Variants in GADL1 observed in about 807,000 individuals in gnomAD.
GADL1 encodes GAD like acidic amino acid decarboxylase 1.
GADL1 carries 71 observed loss-of-function variants against 69.5 expected under a neutral mutation model. The observed-to-expected ratio is 1.02, with a 90% confidence interval of 0.84 to 1.25. The LOEUF is 1.25. Among genes scored for constraint, GADL1 ranks in the 50% most tolerant of loss-of-function variants. GADL1 has a pLI of 0.00. For synonymous variants in GADL1, 254 were observed against 214.4 expected (o/e 1.18, Z -1.62); for missense variants, 737 against 631.8 (o/e 1.17, Z -1.79).
At chr3:30,870,557 C>T (rs912972637) in intron 1 of GADL1, among the ~76,000 whole-genome samples, 3 of 151,602 alleles carry the variant, frequency 2.0e-5, no homozygotes, top group Non-Finnish European at 4.4e-5. Flanking sequence ...AGAGGAGTAA[C>T]ATGAACTGGC....
intron 1 of GADL1, among the ~76,000 whole-genome samples, chr3:30,875,067 T>A (rs1467465086): frequency 6.6e-6 from 1 of 151,850 alleles, no homozygotes; most frequent in East Asian, 2.0e-4. Flanking sequence ...AGACTTGTCT[T>A]CCTCATAAAG....
chr3:30,742,181 A>G (rs1695636065), intron 14 of GADL1, among the ~76,000 whole-genome samples: 1 of 152,172 alleles, frequency 6.6e-6, no homozygotes, highest in South Asian at 2.1e-4. Flanking sequence ...CTCTGTCAGA[A>G]TTCCTGACAC....
At chr3:30,890,614 C>G (rs911018829) in intron 1 of GADL1, among the ~76,000 whole-genome samples, 1 of 152,156 alleles carries the variant, frequency 6.6e-6, no homozygotes, top group Non-Finnish European at 1.5e-5. Context: ...ACTACTCATT[C>G]TTTCCTAAAA....
chr3:30,733,059 C>G (rs959236563), intron 14 of GADL1, among the ~76,000 whole-genome samples: 2 of 151,990 alleles, frequency 1.3e-5, no homozygotes, highest in African/African-American at 4.8e-5. Flanking sequence ...TAATAAAATA[C>G]AAAGTGTTTT....
At chr3:30,735,545 T>C (rs928726605) in intron 14 of GADL1, among the ~76,000 whole-genome samples, 1 of 152,196 alleles carries the variant, frequency 6.6e-6, no homozygotes, top group African/African-American at 2.4e-5. Flanking sequence ...AAAGGCTGCC[T>C]TCTATATGTT....
At position 30,778,283 on chromosome 3, in the gene GADL1, AAAT is replaced by A; in HGVS notation, c.1303-18_1303-16del. ...GCATATTCAGGCTGAGAATTAGAAA[AAAT>A]ATAAAGTTGTTATCTTAAGATTTAT... On this transcript the variant is annotated splice_polypyrimidine_tract_variant and intron_variant, in intron 13 of 14. Transcript: ENST00000282538. The A allele has an allele frequency of 6.7e-7, 1 of 1,503,410 alleles. No homozygotes were observed. The highest frequency in any genetic ancestry group is 9.2e-7 in the Non-Finnish European group (1 of 1,083,454). 93.1% of individuals were successfully genotyped at this position (1,503,410 alleles called of 1,614,324 possible).
intron 1 of GADL1, among the ~76,000 whole-genome samples, chr3:30,883,956 G>C (rs1459666011): frequency 2.0e-5 from 3 of 151,986 alleles, no homozygotes; most frequent in Admixed American, 1.3e-4. Flanking sequence ...TTAGCAGTGA[G>C]AGAGCTGTGG....
chr3:30,834,095 T>A (rs1405883408), intron 10 of GADL1, 122 bp downstream of exon 10: 12 of 1,002,792 alleles, frequency 1.2e-5, no homozygotes, highest in Non-Finnish European at 1.8e-5. Flanking sequence ...GAGGGATTTT[T>A]TGTTGTTGTT....
chr3:30,779,585 T>A (rs930191181), intron 13 of GADL1, among the ~76,000 whole-genome samples: 1 of 152,216 alleles, frequency 6.6e-6, no homozygotes, highest in African/African-American at 2.4e-5. Context: ...AAAACCACAA[T>A]GACTTTTGCA....
Position 30,783,146 on chromosome 3 carries a change from G to A in GADL1, c.1302+3209C>T, listed in dbSNP as rs115080534. Reference sequence around the variant, plus strand: ...GCATTGTGCAGGAAGTTGACTATATGTCCTCGAAGATCTTCTATAACTCAG... The same window carrying A: ...GCATTGTGCAGGAAGTTGACTATATATCCTCGAAGATCTTCTATAACTCAG... On this transcript the variant is annotated intron_variant, in intron 13 of 14. Coordinates refer to ENST00000282538, the MANE Select transcript of GADL1 (RefSeq NM_207359.3). Among the ~76,000 whole-genome samples, 267 of 152,282 alleles carry A rather than the reference G, an allele frequency of 1.8e-3. 2 individuals are homozygous for A. The highest frequency in any genetic ancestry group is 3.4e-3 in the Middle Eastern group (1 of 294).
chr3:30,756,398 T>A (rs1327045041), intron 14 of GADL1, among the ~76,000 whole-genome samples: 1 of 152,140 alleles, frequency 6.6e-6, no homozygotes, highest in Non-Finnish European at 1.5e-5. Flanking sequence ...CTATAATGTA[T>A]AAAGTTATAA....
intron 14 of GADL1, among the ~76,000 whole-genome samples, chr3:30,754,280 A>ACATG (rs1695909839): frequency 6.6e-6 from 1 of 152,212 alleles, no homozygotes; most frequent in South Asian, 2.1e-4. Context: ...AAGGAGAACC[A>ACATG]CATGCAAGCC....
intron 8 of GADL1, among the ~76,000 whole-genome samples, chr3:30,842,369 A>ATGAGG: frequency 6.6e-6 from 1 of 152,284 alleles, no homozygotes; most frequent in East Asian, 1.9e-4. Flanking sequence ...TAGTGGTGGT[A>ATGAGG]TGAGGGTATG....
intron 14 of GADL1, among the ~76,000 whole-genome samples, 162 bp downstream of exon 14, chr3:30,778,017 A>C (rs1159576483): frequency 6.6e-6 from 1 of 152,196 alleles, no homozygotes; most frequent in Non-Finnish European, 1.5e-5. Flanking sequence ...AAATGTAAAC[A>C]ATGTCTACAA....
At chr3:30,820,961 G>C (rs918294894) in intron 11 of GADL1, among the ~76,000 whole-genome samples, 2 of 151,948 alleles carry the variant, frequency 1.3e-5, no homozygotes, top group African/African-American at 4.8e-5. Flanking sequence ...AGAAAATGTG[G>C]CACATATACA....
In GADL1 at chr3:30,857,075, C is replaced by T. The variant is rs184032563; in HGVS notation, c.277G>A (p.Glu93Lys). Residue 93 changes from glutamate to lysine, a missense_variant, in exon 3 of 15, where the codon GAG becomes AAG. By Grantham distance (56) the Glu-to-Lys change is moderately conservative (BLOSUM62 1). Transcript: ENST00000282538. The stretch of plus-strand genomic sequence containing the variant: ...AGTTCCAATAGTTTATGGGGTGGCT[C>T]GCCTGAGTCTCTCATCTCCAAATCA... ...LLDLEMRDSG[E>K]PPHKLLELCR... is the part of the protein sequence containing the mutation. The T allele has an allele frequency of 7.9e-5, 123 of 1,549,694 alleles. No individual in the cohort carries two copies. Among genetic ancestry groups the T allele is most frequent in the Non-Finnish European group, 9.6e-5 (110 of 1,145,476 alleles).
chr3:30,746,438 G>T (rs998413981), intron 14 of GADL1, among the ~76,000 whole-genome samples: 3 of 152,098 alleles, frequency 2.0e-5, no homozygotes, highest in Non-Finnish European at 4.4e-5. Context: ...CCAAGTATAA[G>T]ACCCTCCTTA....
At chr3:30,835,302 T>C (rs910598951) in intron 9 of GADL1, among the ~76,000 whole-genome samples, 2 of 152,070 alleles carry the variant, frequency 1.3e-5, no homozygotes, top group Non-Finnish European at 2.9e-5. Flanking sequence ...AGGCAATAGG[T>C]AAGTTCAGGG....
Position 30,861,604 on chromosome 3 carries a change from C to A in GADL1, c.199G>T (p.Val67Phe), listed in dbSNP as rs1289479426. 1.3e-6 allele frequency: 2 copies of A among 1,546,958 alleles called. No homozygotes were observed. The highest frequency in any genetic ancestry group is 8.7e-7 in the Non-Finnish European group (1 of 1,144,822). The change falls in exon 2 of 15, where the codon GTC (valine) becomes TTC (phenylalanine). Residue 67 changes from valine to phenylalanine, a missense_variant. Transcript: ENST00000282538. ...GTTTTAATTTTTACCTTCTCATTGA[C>A]ATCTGTAGCTTTCAAAACCACCTCT... ...MEEVVLKATD[V>F]NEKVCEWRPP...
Sources: allele counts gnomAD v4.1 joint callset (sites outside exome capture counted in the v4.1 genomes callset), GRCh38; gene constraint gnomAD v4.1.1; transcripts MANE v1.5; gene names NCBI Gene and HGNC (gene_info 2026-07-23, HGNC 2026-07-21).